RPTOR: variants seen among roughly 807,000 people sequenced by gnomAD.
RPTOR encodes regulatory associated protein of MTOR complex 1.
Under a neutral mutation model 169.9 loss-of-function variants are expected in RPTOR, and 21 were observed. The ratio of observed to expected loss-of-function variants is 0.12; its 90% CI spans 0.09 to 0.18. The LOEUF is 0.18. Ranked by LOEUF, RPTOR falls within the 10% of genes least tolerant of loss-of-function variation. The probability of loss-of-function intolerance (pLI) is 1.00; values close to 1 mark genes in which losing one functional copy is unlikely to be tolerated. For synonymous variants in RPTOR, 732 were observed against 753.2 expected, an observed-to-expected ratio of 0.97 and a Z score of 0.46; for missense variants, 1,133 against 1,855.9, an observed-to-expected ratio of 0.61 and a Z score of 7.16.
rs768594302 is a variant in RPTOR at position 80,883,454 on chromosome 17, C to T, written c.1620C>T (p.Ala540=). 3.7e-6 allele frequency: 6 copies of T among 1,614,152 alleles called. No individual in the cohort carries two copies. Among genetic ancestry groups the T allele is most frequent in the East Asian group, 2.2e-5 (1 of 44,872 alleles). The change falls in exon 15 of 34, where the codon GCC becomes GCT. Residue 540 remains alanine, a synonymous_variant. Coordinates refer to ENST00000306801, the MANE Select transcript of RPTOR (RefSeq NM_020761.3). ...GGACCATGACGGCTTTCATTCTCGCCGTGATCGTCAACAGCTATCACACGG... is the reference window on the plus strand; with the variant it reads ...GGACCATGACGGCTTTCATTCTCGCTGTGATCGTCAACAGCTATCACACGG... ...EHRTMTAFIL[A]VIVNSYHTGQ... is the part of the protein sequence containing the mutation.
intron 1 of RPTOR, among the ~76,000 whole-genome samples, chr17:80,594,601 A>C (rs963904373): frequency 6.6e-6 from 1 of 152,218 alleles, no homozygotes; most frequent in East Asian, 1.9e-4. Flanking sequence ...CACTCAGAAC[A>C]TATGTGCTCT....
At position 80,744,593 on chromosome 17, in the gene RPTOR, T is replaced by A. The variant is rs1246013766; in HGVS notation, c.655-9417T>A. 1.1e-3 allele frequency among the ~76,000 whole-genome samples: 23 copies of A among 21,034 alleles called. 1 individual carries two copies. The highest frequency in any genetic ancestry group is 2.9e-3 in the Admixed American group (5 of 1,750). The allele number at this position is 21,034 out of a possible 152,430, so 13.8% of individuals were successfully genotyped here. On this transcript the variant is annotated intron_variant, in intron 5 of 33. Transcript: ENST00000306801. The stretch of plus-strand genomic sequence containing the variant: ...CGAGCACAGCCCTGGCTACTAGCAC[T>A]GTCCTGGTTACTAGCACAGCCCTGG...
intron 6 of RPTOR, among the ~76,000 whole-genome samples, chr17:80,786,078 C>A (rs201171403): frequency 6.6e-6 from 1 of 152,142 alleles, no homozygotes; most frequent in Admixed American, 6.6e-5. Flanking sequence ...TGTATATGCC[C>A]GGACCAAGTC....
intron 4 of RPTOR, among the ~76,000 whole-genome samples, chr17:80,723,131 T>G (rs943245905): frequency 6.6e-6 from 1 of 151,362 alleles, no homozygotes; most frequent in Non-Finnish European, 1.5e-5. Flanking sequence ...GTGTGTGTGA[T>G]TCTTATTACT....
intron 5 of RPTOR, among the ~76,000 whole-genome samples, chr17:80,731,823 CAG>C (rs1280533667): frequency 3.3e-5 from 5 of 152,096 alleles, no homozygotes; most frequent in Admixed American, 3.3e-4. Flanking sequence ...CTGAAACAAT[CAG>C]TAACAAAATT....
intron 3 of RPTOR, among the ~76,000 whole-genome samples, chr17:80,670,045 G>GAAT: frequency 6.6e-6 from 1 of 152,154 alleles, no homozygotes; most frequent in East Asian, 1.9e-4. Flanking sequence ...CAAGAGATCT[G>GAAT]AATAATAGTT....
At chr17:80,757,717 C>A (rs1017286410) in intron 6 of RPTOR, among the ~76,000 whole-genome samples, 2 of 152,080 alleles carry the variant, frequency 1.3e-5, no homozygotes, top group African/African-American at 2.4e-5. Context: ...AAACATTTAT[C>A]TTTTCTTTTT....
chr17:80,689,966 T>G (rs1299309818), intron 3 of RPTOR, among the ~76,000 whole-genome samples: 1 of 152,228 alleles, frequency 6.6e-6, no homozygotes. Context: ...CAGATTCTAA[T>G]TAAAGTAGGA....
chr17:80,925,548 A>G (rs2143989459), intron 24 of RPTOR, 68 bp downstream of exon 24: 1 of 1,273,758 alleles, frequency 7.9e-7, no homozygotes, highest in Admixed American at 1.7e-5. Context: ...TTCTTTGAGC[A>G]TAAACGCTCA....
intron 9 of RPTOR, among the ~76,000 whole-genome samples, chr17:80,832,351 T>G (rs552986800): frequency 9.2e-5 from 14 of 152,034 alleles, no homozygotes; most frequent in Admixed American, 3.3e-4. Flanking sequence ...TTCCCGCAGG[T>G]GGGAAGGCCG....
chr17:80,704,246 G>A (rs1158549220), intron 3 of RPTOR, among the ~76,000 whole-genome samples: 1 of 152,186 alleles, frequency 6.6e-6, no homozygotes, highest in Non-Finnish European at 1.5e-5. Context: ...AGCCAAGGTC[G>A]TGACAGCTGA....
chr17:80,751,840 G>A (rs9899782), intron 5 of RPTOR, among the ~76,000 whole-genome samples: 37,568 of 152,146 alleles, frequency 0.25, 4,732 homozygotes, highest in South Asian at 0.28. Flanking sequence ...CATGCTGACC[G>A]CTTGGTCCAC....
chr17:80,827,090 C>T (rs544214290), intron 9 of RPTOR, among the ~76,000 whole-genome samples: 34 of 152,176 alleles, frequency 2.2e-4, no homozygotes, highest in Non-Finnish European at 3.5e-4. Context: ...TGAATGTGAA[C>T]ACCCAGGGGG....
intron 21 of RPTOR, among the ~76,000 whole-genome samples, chr17:80,918,347 G>A (rs891906396): frequency 4.6e-5 from 7 of 152,176 alleles, no homozygotes; most frequent in South Asian, 2.1e-4. Context: ...GGTGGCGGCC[G>A]GGAATCTGTT....
At chr17:80,783,780 T>G (rs1254273362) in intron 6 of RPTOR, among the ~76,000 whole-genome samples, 1 of 152,238 alleles carries the variant, frequency 6.6e-6, no homozygotes, top group African/African-American at 2.4e-5. Context: ...TGTTTTTCCT[T>G]TTTGCTAGCT....
intron 6 of RPTOR, among the ~76,000 whole-genome samples, chr17:80,780,298 G>A (rs757533766): frequency 6.6e-6 from 1 of 152,178 alleles, no homozygotes. Context: ...GCCGTCGGTG[G>A]AGAAGAGCGG....
intron 7 of RPTOR, among the ~76,000 whole-genome samples, chr17:80,818,220 A>T (rs1241869392): frequency 6.6e-6 from 1 of 152,180 alleles, no homozygotes; most frequent in East Asian, 1.9e-4. Context: ...CACGGCTGGG[A>T]CCAGCGCTTG....
Position 80,803,208 on chromosome 17 carries a change from G to A in RPTOR, c.890+11699G>A, listed in dbSNP as rs2067180618. 1 of 152,306 alleles carries A rather than the reference G, an allele frequency of 6.6e-6. No individual in the cohort carries two copies. The highest frequency in any genetic ancestry group is 6.5e-5 in the Admixed American group (1 of 15,288). The allele number at this position is 152,306 out of a possible 1,614,324, so 9.4% of individuals were successfully genotyped here. On this transcript the variant is annotated intron_variant, in intron 7 of 33. Coordinates refer to ENST00000306801, the MANE Select transcript of RPTOR (RefSeq NM_020761.3). This position sits in a 1 kb window ranked among gnomAD's most constrained non-coding sequence, Gnocchi z 6.2. ...GCGCCAGCATAACCGGGGACCCCGG[G>A]TGTGTGGTGGCTTTTCCGGTGCTCA...
chr17:80,743,150 T>C lies in RPTOR; in HGVS notation c.655-10860T>C, dbSNP rs983779982. On this transcript the variant is annotated intron_variant, in intron 5 of 33. Transcript: ENST00000306801. ...GTGTCTCCAGCTTTCCCTCTCCTCC[T>C]TGTTAACAGAATTGGAACCCTTCCT... 34 of 846,016 alleles carry C rather than the reference T, an allele frequency of 4.0e-5. No individual in the cohort carries two copies. In the African/African-American group the frequency reaches 6.1e-4, roughly 15 times the overall value. 52.4% of individuals were successfully genotyped at this position (846,016 alleles called of 1,614,324 possible).
Sources: allele counts gnomAD v4.1 joint callset (sites outside exome capture counted in the v4.1 genomes callset), GRCh38; gene constraint gnomAD v4.1.1; non-coding constraint Gnocchi (gnomAD v3.1); transcripts MANE v1.5; gene names NCBI Gene and HGNC (gene_info 2026-07-23, HGNC 2026-07-21).